The following MAPKAP1 variants were observed in gnomAD, a reference collection of about 807,000 sequenced individuals.
MAPKAP1 encodes the protein target of rapamycin complex 2 subunit MAPKAP1.
A neutral mutation model predicts 65.7 loss-of-function variants in MAPKAP1; 20 were observed. The ratio of observed to expected loss-of-function variants is 0.30; its 90% CI spans 0.21 to 0.44. The LOEUF (loss-of-function observed/expected upper bound fraction) is 0.44. MAPKAP1 is among the 20% of genes least tolerant of loss of function. The pLI, the probability that MAPKAP1 is intolerant of heterozygous loss-of-function variation, is 1.00. For synonymous variants in MAPKAP1, 222 were observed against 244.3 expected, an observed-to-expected ratio of 0.91 and a Z score of 0.85; for missense variants, 423 against 648.0, an observed-to-expected ratio of 0.65 and a Z score of 3.77.
intron 5 of MAPKAP1, 152 bp from the exon 6 acceptor site, chr9:125,559,961 T>C: frequency 4.3e-6 from 3 of 698,502 alleles, no homozygotes; most frequent in Non-Finnish European, 7.0e-6. Flanking sequence ...CCTACTTCAT[T>C]TGATAGAGAG....
chr9:125,497,303 T>C (rs539851863), intron 8 of MAPKAP1, among the ~76,000 whole-genome samples: 3 of 152,348 alleles, frequency 2.0e-5, no homozygotes, highest in African/African-American at 7.2e-5. Flanking sequence ...AAACATTCTG[T>C]GAATCTCCTT....
intron 4 of MAPKAP1, among the ~76,000 whole-genome samples, chr9:125,622,293 GAT>G (rs1832927419): frequency 6.6e-6 from 1 of 152,034 alleles, no homozygotes; most frequent in Non-Finnish European, 1.5e-5. Flanking sequence ...TTTTCAAAAA[GAT>G]AAAAAAAGGA....
At chr9:125,464,915 A>C (rs908692875) in intron 10 of MAPKAP1, among the ~76,000 whole-genome samples, 1 of 152,234 alleles carries the variant, frequency 6.6e-6, no homozygotes, top group African/African-American at 2.4e-5. Flanking sequence ...TAAACACTGC[A>C]AACTGGCCAC....
chr9:125,705,768 G>A (rs908429911), intron 1 of MAPKAP1, among the ~76,000 whole-genome samples: 4 of 152,174 alleles, frequency 2.6e-5, no homozygotes, highest in African/African-American at 9.7e-5. Flanking sequence ...CGTGGGAAGC[G>A]TCTCAATAGA....
Position 125,438,728 on chromosome 9 carries a change from G to C in MAPKAP1, c.*159C>G. 1 of 962,380 alleles carries C rather than the reference G, an allele frequency of 1.0e-6. No homozygotes were observed. The highest frequency in any genetic ancestry group is 1.5e-6 in the Non-Finnish European group (1 of 648,146). 59.6% of individuals were successfully genotyped at this position (962,380 alleles called of 1,614,324 possible). A position where few individuals can be genotyped will look rare whatever the true frequency, so the allele number is the denominator to read the frequency against. On this transcript the variant is annotated 3_prime_UTR_variant, in exon 12 of 12. Transcript: ENST00000265960. ...AATGTCCCCAGCGCTCCCTCCTAGG[G>C]GGCCCCCGACACCTTCCCCGAGAGC...
At chr9:125,663,058 C>A (rs1010154618) in intron 3 of MAPKAP1, among the ~76,000 whole-genome samples, 4 of 151,952 alleles carry the variant, frequency 2.6e-5, no homozygotes, top group African/African-American at 9.7e-5. Flanking sequence ...AAATTTTCTA[C>A]AATAAAAAGT....
chr9:125,639,901 G>GGA (rs1232775799), intron 4 of MAPKAP1, among the ~76,000 whole-genome samples: 2 of 152,138 alleles, frequency 1.3e-5, no homozygotes, highest in Non-Finnish European at 2.9e-5. Flanking sequence ...CTCCTTCTGG[G>GGA]GAGATATACT....
At chr9:125,683,673 C>T (rs1834889470) in intron 1 of MAPKAP1, among the ~76,000 whole-genome samples, 1 of 152,172 alleles carries the variant, frequency 6.6e-6, no homozygotes, top group African/African-American at 2.4e-5. Context: ...TTAATTTCAT[C>T]CCTTTAAGAG....
intron 4 of MAPKAP1, among the ~76,000 whole-genome samples, chr9:125,586,073 T>C (rs1375383582): frequency 6.6e-6 from 1 of 152,102 alleles, no homozygotes; most frequent in Non-Finnish European, 1.5e-5. Flanking sequence ...TGGGTGCCTC[T>C]CTGGCAACTG....
intron 9 of MAPKAP1, among the ~76,000 whole-genome samples, chr9:125,478,621 T>C (rs1854193391): frequency 6.6e-6 from 1 of 152,166 alleles, no homozygotes; most frequent in African/African-American, 2.4e-5. Context: ...TGAGCCATCC[T>C]GCCCAGTCTG....
Position 125,447,557 on chromosome 9 carries a change from C to G in MAPKAP1, c.1346-2959G>C. On this transcript the variant is annotated intron_variant, in intron 10 of 11. Transcript: ENST00000265960. The surrounding 1 kb of genome is among the most constrained non-coding windows in gnomAD (Gnocchi z 4.5). ...TAGGACATGGGGCGGACTCACTCCG[C>G]GGGCGTTTCTGCCCCGAGTTCCCCT... 1 of 445,590 alleles carries G rather than the reference C, an allele frequency of 2.2e-6. No individual in the cohort carries two copies. Among genetic ancestry groups the G allele is most frequent in the Non-Finnish European group, 4.6e-6 (1 of 219,572 alleles). The allele number at this position is 445,590 out of a possible 1,614,324, so 27.6% of individuals were successfully genotyped here. A position where few individuals can be genotyped will look rare whatever the true frequency, so the allele number is the denominator to read the frequency against.
intron 4 of MAPKAP1, among the ~76,000 whole-genome samples, chr9:125,593,520 G>A (rs778659477): frequency 2.0e-5 from 3 of 152,070 alleles, no homozygotes; most frequent in Non-Finnish European, 2.9e-5. Context: ...AAATTAGCCA[G>A]GTGTGGTGGC....
chr9:125,570,315 C>T (rs573343493), intron 5 of MAPKAP1, among the ~76,000 whole-genome samples: 8 of 152,106 alleles, frequency 5.3e-5, no homozygotes, highest in Non-Finnish European at 1.0e-4. Flanking sequence ...AATTTATGCA[C>T]GAAAAGTTGT....
chr9:125,661,707 T>A (rs983613661), intron 3 of MAPKAP1, among the ~76,000 whole-genome samples: 6 of 152,236 alleles, frequency 3.9e-5, no homozygotes, highest in African/African-American at 1.4e-4. Flanking sequence ...TAGATTTCTC[T>A]GACTTTATCT....
chr9:125,702,627 G>A (rs371493444), intron 1 of MAPKAP1, among the ~76,000 whole-genome samples: 2 of 152,070 alleles, frequency 1.3e-5, no homozygotes, highest in East Asian at 3.9e-4. Context: ...TGAAGCAGGC[G>A]GATCACTTGA....
intron 6 of MAPKAP1, among the ~76,000 whole-genome samples, chr9:125,545,512 G>C (rs1479124401): frequency 2.0e-5 from 3 of 152,148 alleles, no homozygotes; most frequent in African/African-American, 7.2e-5. Context: ...TCACAAACTA[G>C]TACTGGCCTG....
chr9:125,572,744 C>G (rs1831272439), intron 5 of MAPKAP1, among the ~76,000 whole-genome samples: 1 of 152,182 alleles, frequency 6.6e-6, no homozygotes, highest in African/African-American at 2.4e-5. Flanking sequence ...TTGCCCAGTT[C>G]ATGTAAAGCC....
At chr9:125,596,077 C>T in intron 4 of MAPKAP1, 1 of 1,087,860 alleles carries the variant, frequency 9.2e-7, no homozygotes, top group Non-Finnish European at 1.4e-6. Context: ...GAAATCACGA[C>T]TGACCGAGGC....
chr9:125,652,256 T>C (rs1019392284), intron 4 of MAPKAP1: 11 of 1,257,518 alleles, frequency 8.7e-6, no homozygotes, highest in South Asian at 2.8e-5. Context: ...ACTGGAACAA[T>C]GCTGAAACAA....
Sources: gnomAD v4.1 joint callset for allele counts (sites outside exome capture counted in the v4.1 genomes callset) on GRCh38, gnomAD v4.1.1 for gene constraint, Gnocchi (gnomAD v3.1) non-coding constraint, MANE v1.5 for transcripts, NCBI Gene and HGNC (gene_info 2026-07-23, HGNC 2026-07-21) for gene names.